The following SYT1 variants were observed in gnomAD, a reference collection of about 807,000 sequenced individuals.
SYT1 encodes synaptotagmin 1.
A neutral mutation model predicts 44.8 loss-of-function variants in SYT1; 8 were observed. The observed-to-expected ratio is 0.18, with a 90% CI of 0.10 to 0.32. SYT1 has a LOEUF of 0.32. Ranked by LOEUF, SYT1 falls within the 10% of genes least tolerant of loss-of-function variation. The probability of loss-of-function intolerance (pLI) is 1.00; values close to 1 mark genes in which losing one functional copy is unlikely to be tolerated. For synonymous variants in SYT1, 154 were observed against 188.8 expected (o/e 0.82, Z 1.51); for missense variants, 286 against 509.3 (o/e 0.56, Z 4.22).
chr12:79,156,442 CTGT>C (rs34284800), intron 3 of SYT1, among the ~76,000 whole-genome samples: 3,333 of 141,974 alleles, frequency 0.023, 99 homozygotes, highest in African/African-American at 0.071. Flanking sequence ...GTTGTTGCTG[CTGT>C]TGTTGTTGTT....
At chr12:79,094,330 G>A (rs961675639) in intron 3 of SYT1, among the ~76,000 whole-genome samples, 4 of 151,734 alleles carry the variant, frequency 2.6e-5, no homozygotes, top group African/African-American at 9.7e-5. Flanking sequence ...ATTTACCCAA[G>A]TCACATGAAC....
intron 3 of SYT1, among the ~76,000 whole-genome samples, chr12:79,148,694 A>G (rs1020410157): frequency 6.6e-6 from 1 of 152,198 alleles, no homozygotes; most frequent in African/African-American, 2.4e-5. Flanking sequence ...ATAATGCACT[A>G]TAGTTTCCAA....
At chr12:79,091,597 G>T (rs1408203960) in intron 3 of SYT1, among the ~76,000 whole-genome samples, 1 of 151,900 alleles carries the variant, frequency 6.6e-6, no homozygotes, top group Non-Finnish European at 1.5e-5. Flanking sequence ...CAAGAAAAAG[G>T]CACATTTAAT....
intron 3 of SYT1, among the ~76,000 whole-genome samples, chr12:79,197,469 G>T (rs1253005350): frequency 6.6e-6 from 1 of 152,122 alleles, no homozygotes; most frequent in Non-Finnish European, 1.5e-5. Context: ...TGAGAGACAG[G>T]TCCCTCTCCT....
At chr12:78,973,721 A>T (rs1047423457) in intron 1 of SYT1, among the ~76,000 whole-genome samples, 2 of 151,670 alleles carry the variant, frequency 1.3e-5, no homozygotes, top group African/African-American at 2.4e-5. Flanking sequence ...GCACTAAATA[A>T]TTCCTAACAT....
At chr12:79,311,244 G>A (rs1257113583) in intron 8 of SYT1, among the ~76,000 whole-genome samples, 1 of 152,126 alleles carries the variant, frequency 6.6e-6, no homozygotes, top group Non-Finnish European at 1.5e-5. Context: ...AGACATTTAT[G>A]CAGCCAAAAA....
At chr12:78,941,523 G>T (rs1878376135) in intron 1 of SYT1, among the ~76,000 whole-genome samples, 3 of 151,908 alleles carry the variant, frequency 2.0e-5, no homozygotes, top group Non-Finnish European at 4.4e-5. Flanking sequence ...TCTACTGCAT[G>T]CTTTGCAAAA....
In SYT1 at chr12:78,934,596, G is replaced by A. The variant is rs73349585; in HGVS notation, c.-216-43203G>A. 1.6e-3 allele frequency among the ~76,000 whole-genome samples: 245 copies of A among 152,112 alleles called. 1 individual carries two copies. The highest frequency in any genetic ancestry group is 5.8e-3 in the African/African-American group (239 of 41,524). ...AGAAAAAACACTTGTCTTACATCAT[G>A]TCCGGAATTGAAAACACCTGTCACG... On this transcript the variant is annotated intron_variant, in intron 1 of 10. Coordinates refer to ENST00000261205, the MANE Select transcript of SYT1 (RefSeq NM_005639.3).
At chr12:79,064,975 A>AGAAAGAAAGAAAGAAAGAAAGAAG (rs1875711991) in intron 3 of SYT1, among the ~76,000 whole-genome samples, 2 of 149,202 alleles carry the variant, frequency 1.3e-5, no homozygotes, top group African/African-American at 5.1e-5. Flanking sequence ...AAAGAAAGAA[A>AGAAAGAAAGAAAGAAAGAAAGAAG]GAAAGAAAGA....
intron 3 of SYT1, among the ~76,000 whole-genome samples, chr12:79,112,460 G>C (rs141599151): frequency 1.3e-5 from 2 of 152,066 alleles, no homozygotes; most frequent in East Asian, 3.9e-4. Context: ...TTCATAATTT[G>C]ATAAGCCATG....
intron 1 of SYT1, among the ~76,000 whole-genome samples, chr12:78,895,573 C>G (rs1362217018): frequency 6.6e-6 from 1 of 151,332 alleles, no homozygotes; most frequent in Non-Finnish European, 1.5e-5. Flanking sequence ...AACACAATTC[C>G]ATTTGTTGTT....
At chr12:79,336,373 C>G (rs1218995723) in intron 8 of SYT1, among the ~76,000 whole-genome samples, 1 of 152,152 alleles carries the variant, frequency 6.6e-6, no homozygotes, top group Non-Finnish European at 1.5e-5. Flanking sequence ...TGTCCTCTTC[C>G]TAATGGAAGA....
chr12:79,129,869 G>T (rs146868305), intron 3 of SYT1, among the ~76,000 whole-genome samples: 36 of 152,164 alleles, frequency 2.4e-4, no homozygotes, highest in African/African-American at 8.7e-4. Flanking sequence ...ATGTAAAGTT[G>T]TAACAAAGAT....
intron 1 of SYT1, among the ~76,000 whole-genome samples, chr12:78,873,884 C>G (rs1039612523): frequency 6.6e-6 from 1 of 151,462 alleles, no homozygotes; most frequent in African/African-American, 2.4e-5. Context: ...AACACATTTG[C>G]GAGCAATAGC....
At chr12:79,189,187 C>T (rs577962465) in intron 3 of SYT1, among the ~76,000 whole-genome samples, 1 of 152,206 alleles carries the variant, frequency 6.6e-6, no homozygotes, top group Middle Eastern at 3.4e-3. Context: ...GAGGCTCAAG[C>T]TATTTCTTAA....
intron 3 of SYT1, among the ~76,000 whole-genome samples, chr12:79,135,763 A>G (rs1056682106): frequency 6.6e-5 from 10 of 151,288 alleles, no homozygotes; most frequent in Admixed American, 2.0e-4. Context: ...TTAGGGCCAC[A>G]GGAAACAGGG....
chr12:79,006,006 G>A (rs139593801), intron 2 of SYT1, among the ~76,000 whole-genome samples: 77 of 152,148 alleles, frequency 5.1e-4, no homozygotes, highest in Non-Finnish European at 1.0e-3. Flanking sequence ...AAAGTGTTTG[G>A]TGCACCTTTT....
intron 2 of SYT1, among the ~76,000 whole-genome samples, chr12:79,040,095 G>A (rs2137718309): frequency 6.6e-6 from 1 of 152,246 alleles, no homozygotes; most frequent in East Asian, 1.9e-4. Flanking sequence ...GGGTGCATGT[G>A]TCTTTATAGC....
At chr12:79,076,992 C>A (rs916626850) in intron 3 of SYT1, among the ~76,000 whole-genome samples, 5 of 152,136 alleles carry the variant, frequency 3.3e-5, no homozygotes, top group Non-Finnish European at 7.4e-5. Context: ...TTTCCACTTG[C>A]TGGATCTACT....
Sources: gnomAD v4.1 joint callset for allele counts (sites outside exome capture counted in the v4.1 genomes callset) on GRCh38, gnomAD v4.1.1 for gene constraint, MANE v1.5 for transcripts, NCBI Gene and HGNC (gene_info 2026-07-23, HGNC 2026-07-21) for gene names.